The following NLGN4X variants were observed in gnomAD, a reference collection of about 807,000 sequenced individuals.
The protein encoded by NLGN4X is neuroligin-4, X-linked.
Under a neutral mutation model 40.3 loss-of-function variants are expected in NLGN4X, and 3 were observed. That is an observed-to-expected ratio of 0.07 (90% CI 0.03 to 0.19). The LOEUF (loss-of-function observed/expected upper bound fraction) is 0.19. Ranked by LOEUF, NLGN4X falls within the 10% of genes least tolerant of loss-of-function variation. The probability of loss-of-function intolerance (pLI) is 1.00; values close to 1 mark genes in which losing one functional copy is unlikely to be tolerated. For missense variants in NLGN4X, 382 were observed against 708.3 expected (o/e 0.54, Z 5.23); for synonymous variants, 270 against 306.8 (o/e 0.88, Z 1.25).
intron 2 of NLGN4X, among the ~76,000 whole-genome samples, chrX:6,042,847 A>G (rs1000805592): frequency 9.7e-6 from 1 of 102,685 alleles, no homozygotes; most frequent in African/African-American, 3.5e-5. Flanking sequence ...AGGCCAGGGC[A>G]GGCAGATCAC....
At chrX:6,036,238 T>C (rs1393095119) in intron 2 of NLGN4X, among the ~76,000 whole-genome samples, 1 of 111,499 alleles carries the variant, frequency 9.0e-6, no homozygotes, top group African/African-American at 3.3e-5. Flanking sequence ...TCCTTTGCCT[T>C]TCCATGAAAC....
At chrX:6,062,527 A>T (rs995069161) in intron 2 of NLGN4X, among the ~76,000 whole-genome samples, 1 of 111,493 alleles carries the variant, frequency 9.0e-6, no homozygotes, top group Non-Finnish European at 1.9e-5. Context: ...GATACCTGCC[A>T]TTCTGATGGC....
At chrX:5,993,596 C>T (rs2035742099) in intron 3 of NLGN4X, among the ~76,000 whole-genome samples, 1 of 112,154 alleles carries the variant, frequency 8.9e-6, no homozygotes, top group Non-Finnish European at 1.9e-5. Context: ...TCTACCAAAG[C>T]AAGGCCTAGT....
At chrX:5,967,198 T>C (rs2034859212) in intron 3 of NLGN4X, among the ~76,000 whole-genome samples, 1 of 111,919 alleles carries the variant, frequency 8.9e-6, no homozygotes, top group African/African-American at 3.2e-5. Flanking sequence ...GTCTCACATT[T>C]ACTCCTTTCT....
intron 1 of NLGN4X, among the ~76,000 whole-genome samples, chrX:6,191,521 C>A (rs1922533660): frequency 9.0e-6 from 1 of 111,687 alleles, no homozygotes; most frequent in Non-Finnish European, 1.9e-5. Context: ...TCGAGACCAG[C>A]CTGGTCAACA....
chrX:6,082,677 T>C (rs996081453), intron 2 of NLGN4X, among the ~76,000 whole-genome samples: 13 of 111,000 alleles, frequency 1.2e-4, no homozygotes, highest in African/African-American at 2.6e-4. Context: ...CCTTAACAAA[T>C]GAATGACTGG....
rs1408800139 is a variant in NLGN4X at position 6,026,838 on chromosome X, T to A, written c.625+2442A>T. Among the ~76,000 whole-genome samples, 4 of 111,797 alleles carry A rather than the reference T, an allele frequency of 3.6e-5. No individual in the cohort carries two copies. The East Asian group carries it at 8.4e-4, about 23-fold the overall frequency. On this transcript the variant is annotated intron_variant, in intron 3 of 5. Transcript: ENST00000381095. ...CTTAACAATTTTTCAATTAGTTTTT[T>A]TTTCCTCTAAAAAAAGTGTGTATAC...
intron 2 of NLGN4X, among the ~76,000 whole-genome samples, chrX:6,062,010 G>A (rs1001616177): frequency 9.9e-5 from 11 of 111,531 alleles, no homozygotes; most frequent in African/African-American, 3.3e-4. Context: ...CACTATCTAG[G>A]CTGACATTTT....
At chrX:5,969,446 G>A (rs2034945682) in intron 3 of NLGN4X, among the ~76,000 whole-genome samples, 1 of 111,860 alleles carries the variant, frequency 8.9e-6, no homozygotes, top group African/African-American at 3.2e-5. Context: ...CTGGCCACCA[G>A]AGAAATGCAA....
intron 2 of NLGN4X, among the ~76,000 whole-genome samples, chrX:6,134,451 T>C (rs1384337866): frequency 9.0e-6 from 1 of 111,523 alleles, no homozygotes; most frequent in African/African-American, 3.3e-5. Context: ...CTCCCAGATG[T>C]TCTCACATCT....
At position 5,890,571 on chromosome X, in the gene NLGN4X, T is replaced by C. The variant is rs770498878; in HGVS notation, c.*2246A>G. 2.8e-4 allele frequency: 90 copies of C among 324,469 alleles called. 1 individual carries two copies. Among genetic ancestry groups the C allele is most frequent in the Non-Finnish European group, 4.6e-4 (77 of 168,831 alleles). The allele number at this position is 324,469 out of a possible 1,213,427, so 26.7% of individuals were successfully genotyped here. A position where few individuals can be genotyped will look rare whatever the true frequency, so the allele number is the denominator to read the frequency against. On this transcript the variant is annotated 3_prime_UTR_variant, in exon 6 of 6. Coordinates refer to ENST00000381095, the MANE Select transcript of NLGN4X (RefSeq NM_181332.3). ...CATGGATGCCACACATAACTTCCTT[T>C]GTAGTTTCACAGAGAGCCTATTTGT...
chrX:6,016,287 C>T (rs1466713903), intron 3 of NLGN4X, among the ~76,000 whole-genome samples: 1 of 111,913 alleles, frequency 8.9e-6, no homozygotes, highest in Non-Finnish European at 1.9e-5. Context: ...ACTGGTACTG[C>T]CCTGGTTTAA....
intron 2 of NLGN4X, among the ~76,000 whole-genome samples, chrX:6,139,771 C>T (rs1443106225): frequency 8.9e-6 from 1 of 111,854 alleles, no homozygotes; most frequent in African/African-American, 3.2e-5. Context: ...TTTCCAGCAG[C>T]GGGTTTAGAT....
intron 2 of NLGN4X, among the ~76,000 whole-genome samples, chrX:6,101,959 G>A (rs1207227367): frequency 8.3e-5 from 9 of 108,998 alleles, no homozygotes; most frequent in Non-Finnish European, 1.3e-4. Flanking sequence ...ACAGGTGCCC[G>A]CCACCACACC....
At chrX:6,024,461 A>G (rs1401820027) in intron 3 of NLGN4X, among the ~76,000 whole-genome samples, 1 of 111,172 alleles carries the variant, frequency 9.0e-6, no homozygotes, top group African/African-American at 3.3e-5. Context: ...TGGGTAACGT[A>G]AGGCTGGGAC....
chrX:6,221,152 G>A (rs180739802), intron 1 of NLGN4X, among the ~76,000 whole-genome samples: 13 of 106,097 alleles, frequency 1.2e-4, no homozygotes, highest in African/African-American at 4.4e-4. Flanking sequence ...GTACACTGGC[G>A]TAATCATAGC....
intron 3 of NLGN4X, among the ~76,000 whole-genome samples, chrX:5,961,801 G>A (rs2034671564): frequency 8.9e-6 from 1 of 111,797 alleles, no homozygotes; most frequent in Admixed American, 9.5e-5. Context: ...ACATTTTTGC[G>A]AACCCCTGAG....
intron 3 of NLGN4X, among the ~76,000 whole-genome samples, chrX:5,942,691 G>A (rs1215383916): frequency 9.1e-6 from 1 of 109,361 alleles, no homozygotes; most frequent in Non-Finnish European, 1.9e-5. Context: ...GGAGAAGAGG[G>A]GAGGGGAGAG....
chrX:5,954,975 C>T (rs997622331), intron 3 of NLGN4X, among the ~76,000 whole-genome samples: 7 of 111,171 alleles, frequency 6.3e-5, no homozygotes, highest in African/African-American at 2.3e-4. Flanking sequence ...AAATTCAGGA[C>T]CAGAATGTAG....
Sources: allele counts gnomAD v4.1 joint callset (sites outside exome capture counted in the v4.1 genomes callset), GRCh38; gene constraint gnomAD v4.1.1; transcripts MANE v1.5; gene names NCBI Gene and HGNC (gene_info 2026-07-23, HGNC 2026-07-21).